Variants in PTPRD observed in about 807,000 individuals in gnomAD.
PTPRD encodes the protein protein tyrosine phosphatase receptor type D, also known as receptor-type tyrosine-protein phosphatase delta.
A neutral mutation model predicts 214.5 loss-of-function variants in PTPRD; 34 were observed. The ratio of observed to expected loss-of-function variants is 0.16; its 90% CI spans 0.12 to 0.21. The LOEUF (loss-of-function observed/expected upper bound fraction) is 0.21. Among genes scored for constraint, PTPRD ranks in the 10% least tolerant of loss-of-function variants. The probability of loss-of-function intolerance (pLI) is 1.00; values close to 1 mark genes in which losing one functional copy is unlikely to be tolerated. For synonymous variants in PTPRD, 1,128 were observed against 845.7 expected (o/e 1.33, Z -5.79); for missense variants, 2,545 against 2,398.7 (o/e 1.06, Z -1.27).
intron 14 of PTPRD, among the ~76,000 whole-genome samples, chr9:8,612,112 GAAAAC>G (rs572591510): frequency 3.4e-4 from 51 of 151,368 alleles, no homozygotes; most frequent in East Asian, 7.8e-4. Flanking sequence ...GAAAAGAAAA[GAAAAC>G]AAAACAAAAC....
chr9:8,887,963 A>C (rs536443228), intron 11 of PTPRD, among the ~76,000 whole-genome samples: 1 of 152,208 alleles, frequency 6.6e-6, no homozygotes, highest in Non-Finnish European at 1.5e-5. Context: ...AGTGCATTTA[A>C]CATGAAACAC....
intron 9 of PTPRD, among the ~76,000 whole-genome samples, chr9:9,352,584 A>C (rs2051845159): frequency 6.6e-6 from 1 of 151,864 alleles, no homozygotes; most frequent in South Asian, 2.1e-4. Context: ...TAGCTGGTTA[A>C]GTTTTATTTG....
chr9:10,568,438 T>A (rs548522755), intron 2 of PTPRD, among the ~76,000 whole-genome samples: 97 of 152,228 alleles, frequency 6.4e-4, no homozygotes, highest in African/African-American at 2.3e-3. Flanking sequence ...CGTGTGCATG[T>A]GTCTTCATAG....
chr9:9,816,797 GA>G lies in PTPRD; in HGVS notation c.-367-49947del, dbSNP rs762211865. ...TCCTTTAGTAATAGATAGTGAACTG[GA>G]AAAAAAATCCTTCAATAGTAAGAGC... On this transcript the variant is annotated intron_variant, in intron 5 of 45. Coordinates refer to ENST00000381196, the MANE Select transcript of PTPRD (RefSeq NM_002839.4). 4.0e-5 allele frequency among the ~76,000 whole-genome samples: 6 copies of G among 151,428 alleles called. No individual in the cohort carries two copies. In the South Asian group the frequency reaches 1.0e-3, roughly 26 times the overall value.
In PTPRD at chr9:8,917,058, T is replaced by C. The variant is rs541801261; in HGVS notation, c.-104+101639A>G. Among the ~76,000 whole-genome samples, 114 of 151,098 alleles carry C rather than the reference T, an allele frequency of 7.5e-4. 3 individuals carry two copies. Among genetic ancestry groups the C allele is most frequent in the Admixed American group, 5.3e-4 (8 of 15,192 alleles). ...CTTGTTTTTGACATTTTCTTTCTTT[T>C]TTTTTTTTTTTTACAATCCCCATTG... is the stretch of plus-strand genomic sequence containing the variant. On this transcript the variant is annotated intron_variant, in intron 11 of 45. Coordinates refer to ENST00000381196, the MANE Select transcript of PTPRD (RefSeq NM_002839.4).
chr9:9,733,741 A>G (rs1490754155), intron 7 of PTPRD, among the ~76,000 whole-genome samples: 1 of 152,124 alleles, frequency 6.6e-6, no homozygotes. Flanking sequence ...GAGTTGGGAC[A>G]TCCAGTCTAC....
chr9:9,764,552 GATT>G (rs1565087194), intron 6 of PTPRD, among the ~76,000 whole-genome samples: 4 of 152,048 alleles, frequency 2.6e-5, no homozygotes, highest in African/African-American at 9.7e-5. Context: ...GGATGATTGA[GATT>G]ATTATTAAGA....
intron 3 of PTPRD, among the ~76,000 whole-genome samples, chr9:10,219,750 C>A (rs190231213): frequency 3.9e-4 from 59 of 151,596 alleles, no homozygotes; most frequent in African/African-American, 1.4e-3. Flanking sequence ...AACTTAATAT[C>A]CTTACCACAT....
At chr9:9,318,437 G>A (rs1964587207) in intron 9 of PTPRD, among the ~76,000 whole-genome samples, 1 of 152,010 alleles carries the variant, frequency 6.6e-6, no homozygotes, top group Non-Finnish European at 1.5e-5. Context: ...TCCAAGAAAT[G>A]ATCATAGTTT....
intron 9 of PTPRD, among the ~76,000 whole-genome samples, chr9:9,259,826 C>G (rs903576434): frequency 1.3e-4 from 19 of 151,896 alleles, no homozygotes; most frequent in Non-Finnish European, 2.4e-4. Flanking sequence ...GGATAGAACT[C>G]TGACCTAAGG....
At chr9:8,472,583 C>T (rs547283599) in intron 30 of PTPRD, among the ~76,000 whole-genome samples, 24 of 152,158 alleles carry the variant, frequency 1.6e-4, no homozygotes, top group South Asian at 6.2e-4. Flanking sequence ...CAAACTGGGA[C>T]GCACTGTAAA....
chr9:8,484,253 A>G lies in PTPRD; in HGVS notation c.3279T>C (p.Gly1093=), dbSNP rs2096950823. The part of the protein sequence containing the change: ...FVLTNRGNSA[G]GLQHRVTAKT... ...TTGCCGTGACCCTGTGCTGCAGCCCACCAGCACTGTTTCCACGATTTGTCA... is the reference window on the plus strand; with the variant it reads ...TTGCCGTGACCCTGTGCTGCAGCCCGCCAGCACTGTTTCCACGATTTGTCA... Residue 1093 remains glycine (G), a synonymous_variant, in exon 30 of 46, where the codon GGT becomes GGC. Transcript: ENST00000381196. 6.2e-7 allele frequency: 1 copy of G among 1,614,156 alleles called. No individual in the cohort carries two copies. The highest frequency in any genetic ancestry group is 1.7e-5 in the Admixed American group (1 of 60,022).
chr9:10,002,589 AAAG>A (rs890687554), intron 4 of PTPRD, among the ~76,000 whole-genome samples: 3 of 151,298 alleles, frequency 2.0e-5, no homozygotes, highest in Non-Finnish European at 4.4e-5. Flanking sequence ...TACTAGCACA[AAAG>A]AAGAATATTT....
intron 9 of PTPRD, among the ~76,000 whole-genome samples, chr9:9,208,498 G>A (rs2099946434): frequency 6.6e-6 from 1 of 151,712 alleles, no homozygotes; most frequent in Admixed American, 6.6e-5. Flanking sequence ...CCCTTTATTT[G>A]GTATTTTGCT....
intron 12 of PTPRD, among the ~76,000 whole-genome samples, chr9:8,637,051 A>G (rs1043632273): frequency 6.6e-6 from 1 of 152,208 alleles, no homozygotes; most frequent in African/African-American, 2.4e-5. Context: ...TGGTTAAGTT[A>G]TCTATTAGTG....
chr9:9,237,591 T>C (rs759797298), intron 9 of PTPRD, among the ~76,000 whole-genome samples: 2 of 152,170 alleles, frequency 1.3e-5, no homozygotes, highest in Non-Finnish European at 2.9e-5. Context: ...AAGCCAGGAA[T>C]ATTTGCTGTT....
intron 2 of PTPRD, among the ~76,000 whole-genome samples, chr9:10,346,372 A>G (rs1232942515): frequency 6.6e-6 from 1 of 152,166 alleles, no homozygotes; most frequent in Non-Finnish European, 1.5e-5. Flanking sequence ...GAATCAATCA[A>G]CTAGGAGGTT....
At chr9:8,835,943 C>G (rs948553379) in intron 11 of PTPRD, among the ~76,000 whole-genome samples, 2 of 152,184 alleles carry the variant, frequency 1.3e-5, no homozygotes, top group African/African-American at 4.8e-5. Context: ...AAGGAAGTAA[C>G]TTTATATTTG....
chr9:8,661,625 A>T (rs961649242), intron 12 of PTPRD, among the ~76,000 whole-genome samples: 2 of 152,174 alleles, frequency 1.3e-5, no homozygotes, highest in Admixed American at 1.3e-4. Flanking sequence ...GCATGAAAGC[A>T]GAAAACAAAA....
Sources: gnomAD v4.1 joint callset for allele counts (sites outside exome capture counted in the v4.1 genomes callset) on GRCh38, gnomAD v4.1.1 for gene constraint, MANE v1.5 for transcripts, NCBI Gene and HGNC (gene_info 2026-07-23, HGNC 2026-07-21) for gene names.